The following ERG variants were observed in gnomAD, a reference collection of about 807,000 sequenced individuals.
ERG encodes transcriptional regulator ERG.
ERG carries 9 observed loss-of-function variants against 55.3 expected under a neutral mutation model. That is an observed-to-expected ratio of 0.16 (90% CI 0.10 to 0.28). The LOEUF (loss-of-function observed/expected upper bound fraction) is 0.28, where lower values mean the gene tolerates loss of function less well. Ranked by LOEUF, ERG falls within the 10% of genes least tolerant of loss-of-function variation. The pLI is 1.00. For missense variants in ERG, 434 were observed against 631.6 expected (o/e 0.69, Z 3.35); for synonymous variants, 223 against 237.3 (o/e 0.94, Z 0.55).
chr21:38,418,239 C>T (rs1989367657), intron 3 of ERG, among the ~76,000 whole-genome samples: 1 of 150,930 alleles, frequency 6.6e-6, no homozygotes, highest in Non-Finnish European at 1.5e-5. Flanking sequence ...GTAAAATTTC[C>T]AACCCCACAC....
At chr21:38,655,327 A>G (rs2060512250) in intron 1 of ERG, among the ~76,000 whole-genome samples, 1 of 152,046 alleles carries the variant, frequency 6.6e-6, no homozygotes, top group Admixed American at 6.6e-5. Context: ...CCAAGCCTTC[A>G]TTGCACACAG....
chr21:38,400,583 T>C lies in ERG; in HGVS notation c.736A>G (p.Thr246Ala). ...VYPEATQRIT[T>A]RPDLPYEPPR... is the part of the protein sequence containing the mutation. ...AGGGGTGTTTTCGTACCTGGCCTAGTTGTAATTCTTTGCGTAGCTTCAGGA... is the reference window on the plus strand; with the variant it reads ...AGGGGTGTTTTCGTACCTGGCCTAGCTGTAATTCTTTGCGTAGCTTCAGGA... The change falls in exon 6 of 10, where the codon ACT becomes GCT. Residue 246 changes from threonine to alanine, a missense_variant. Coordinates refer to ENST00000288319, the MANE Select transcript of ERG (RefSeq NM_182918.4). 2 of 1,613,616 alleles carry C rather than the reference T, an allele frequency of 1.2e-6. No homozygotes were observed. Among genetic ancestry groups the C allele is most frequent in the Non-Finnish European group, 1.7e-6 (2 of 1,179,474 alleles).
At chr21:38,472,803 G>T (rs772250256) in intron 1 of ERG, among the ~76,000 whole-genome samples, 13 of 152,166 alleles carry the variant, frequency 8.5e-5, no homozygotes, top group Non-Finnish European at 1.3e-4. Flanking sequence ...GCTGCACGTG[G>T]GCAATTCGTG....
At chr21:38,424,161 T>C (rs561198741) in intron 2 of ERG, among the ~76,000 whole-genome samples, 16 of 143,494 alleles carry the variant, frequency 1.1e-4, no homozygotes. Context: ...GTGCCCTTAT[T>C]AGAAAAGAAA....
At chr21:38,505,246 T>G (rs1343993405) in intron 2 of ERG, among the ~76,000 whole-genome samples, 3 of 152,160 alleles carry the variant, frequency 2.0e-5, no homozygotes, top group African/African-American at 7.2e-5. Context: ...GTGCCTGAAG[T>G]CAGGAGCACA....
In ERG at chr21:38,400,600, G is replaced by T. The variant is rs1569066440; in HGVS notation, c.719C>A (p.Ala240Asp). ...IFPNTSVYPE[A>D]TQRITTRPDL... ...TGGCCTAGTTGTAATTCTTTGCGTA[G>T]CTTCAGGATATACTGAAGTATTTGG... Residue 240 changes from alanine (A) to aspartate (D), a missense_variant, in exon 6 of 10, where the codon GCT (alanine) becomes GAT (aspartate). Around this residue, in one of 5 missense-constraint regions of ERG, gnomAD observed 99 missense variants for 145.6 expected, o/e 0.68. Transcript: ENST00000288319. The T allele has an allele frequency of 6.2e-7, 1 of 1,613,760 alleles. No homozygotes were observed. Among genetic ancestry groups the T allele is most frequent in the African/African-American group, 1.3e-5 (1 of 75,044 alleles).
At chr21:38,510,356 A>G (rs1462589638) in intron 2 of ERG, among the ~76,000 whole-genome samples, 3 of 152,226 alleles carry the variant, frequency 2.0e-5, no homozygotes, top group Non-Finnish European at 4.4e-5. Context: ...GGAAAGCATT[A>G]ATGCGTCTCA....
intron 3 of ERG, among the ~76,000 whole-genome samples, chr21:38,409,109 C>T (rs1988917425): frequency 6.6e-6 from 1 of 152,066 alleles, no homozygotes; most frequent in African/African-American, 2.4e-5. Context: ...ATGGAGATTC[C>T]AAAGTGTCCA....
chr21:38,427,543 C>G (rs8133155), intron 2 of ERG, among the ~76,000 whole-genome samples: 9,969 of 152,272 alleles, frequency 0.065, 442 homozygotes, highest in Non-Finnish European at 0.088. Context: ...GGCTCCAGGA[C>G]TCACAGCCAG....
chr21:38,590,646 A>T (rs2060094880), intron 1 of ERG, among the ~76,000 whole-genome samples: 1 of 150,994 alleles, frequency 6.6e-6, no homozygotes, highest in African/African-American at 2.5e-5. Context: ...GTATTCATCC[A>T]TCCATCATCC....
In ERG at chr21:38,543,737, C is replaced by CTTTT. The variant is rs542648278; in HGVS notation, c.-41+31921_-41+31924dup. Among the ~76,000 whole-genome samples the CTTTT allele has an allele frequency of 9.0e-5, 12 of 133,402 alleles. 1 individual carries two copies. Among genetic ancestry groups the CTTTT allele is most frequent in the South Asian group, 2.5e-4 (1 of 4,072 alleles). 87.5% of individuals were successfully genotyped at this position (133,402 alleles called of 152,430 possible). On this transcript the variant is annotated intron_variant, in intron 2 of 8. Transcript: ENST00000398897. ...AAGACAGGGTGATGTGTGAGAAACA[C>CTTTT]TTTTTTTTTTTTTTTTTCAGATGAA...
intron 1 of ERG, among the ~76,000 whole-genome samples, chr21:38,458,371 C>CTGAGGT (rs1383171365): frequency 1.4e-5 from 2 of 147,188 alleles, no homozygotes; most frequent in Non-Finnish European, 1.5e-5. Context: ...TTGCAGTGAG[C>CTGAGGT]TGAGGTTGCG....
At chr21:38,491,291 GA>G (rs1166525001) in intron 1 of ERG, among the ~76,000 whole-genome samples, 1 of 151,918 alleles carries the variant, frequency 6.6e-6, no homozygotes, top group Non-Finnish European at 1.5e-5. Flanking sequence ...CTGACGATCT[GA>G]ATGAATGGCC....
At chr21:38,505,161 A>G (rs2059450657) in intron 2 of ERG, among the ~76,000 whole-genome samples, 1 of 152,222 alleles carries the variant, frequency 6.6e-6, no homozygotes, top group Non-Finnish European at 1.5e-5. Context: ...AAGGCAAAAA[A>G]TCTTTGCCAC....
intron 1 of ERG, among the ~76,000 whole-genome samples, chr21:38,621,876 T>C (rs917132876): frequency 1.3e-5 from 2 of 152,158 alleles, no homozygotes; most frequent in Admixed American, 6.5e-5. Flanking sequence ...TTTCCAGCAA[T>C]GAAAACCTGC....
the ERG span, among the ~76,000 whole-genome samples, chr21:38,370,765 C>A: frequency 6.6e-6 from 1 of 151,798 alleles, no homozygotes. Context: ...CTTTCCTATT[C>A]CATTGTTGTG....
At chr21:38,454,894 A>G (rs1012532324) in intron 1 of ERG, among the ~76,000 whole-genome samples, 1 of 152,174 alleles carries the variant, frequency 6.6e-6, no homozygotes, top group African/African-American at 2.4e-5. Context: ...ACTTTGATTT[A>G]TAGCCTTTTT....
chr21:38,522,858 C>T (rs1475618321), intron 2 of ERG, among the ~76,000 whole-genome samples: 3 of 152,194 alleles, frequency 2.0e-5, no homozygotes, highest in Non-Finnish European at 1.5e-5. Flanking sequence ...GAAAGCTGAA[C>T]AACGACGTTG....
intron 1 of ERG, among the ~76,000 whole-genome samples, chr21:38,642,206 A>G (rs2146971740): frequency 6.6e-6 from 1 of 152,364 alleles, no homozygotes; most frequent in African/African-American, 2.4e-5. Flanking sequence ...ATAAAAGTGT[A>G]TATATAATAT....
Sources: allele counts gnomAD v4.1 joint callset (sites outside exome capture counted in the v4.1 genomes callset), GRCh38; gene constraint gnomAD v4.1.1; regional missense constraint gnomAD v4.1.1; transcripts MANE v1.5; gene names NCBI Gene and HGNC (gene_info 2026-07-23, HGNC 2026-07-21).